DNAI2: variants seen among roughly 807,000 people sequenced by gnomAD.
The protein encoded by DNAI2 is dynein axonemal intermediate chain 2.
DNAI2 carries 63 observed loss-of-function variants against 74.7 expected under a neutral mutation model. The ratio of observed to expected loss-of-function variants is 0.84; its 90% CI spans 0.69 to 1.04. The LOEUF (loss-of-function observed/expected upper bound fraction) is 1.04, where lower values mean the gene tolerates loss of function less well. DNAI2 is among the 50% of genes least tolerant of loss of function. The pLI, the probability that DNAI2 is intolerant of heterozygous loss-of-function variation, is 0.00. For synonymous variants in DNAI2, 289 were observed against 314.9 expected (o/e 0.92, Z 0.87); for missense variants, 688 against 803.2 (o/e 0.86, Z 1.73).
chr17:74,275,199 C>T (rs1242892054), intron 1 of DNAI2, among the ~76,000 whole-genome samples: 2 of 152,158 alleles, frequency 1.3e-5, no homozygotes, highest in Admixed American at 6.5e-5. Flanking sequence ...GTCAAGGAGA[C>T]CACAAGGTAG....
chr17:74,275,508 T>C (rs771422068), intron 1 of DNAI2, among the ~76,000 whole-genome samples: 2 of 152,184 alleles, frequency 1.3e-5, no homozygotes, highest in Non-Finnish European at 2.9e-5. Context: ...ATGGATCACT[T>C]GAGGTCAGGA....
At chr17:74,308,762 T>C (rs925952778) in intron 9 of DNAI2, among the ~76,000 whole-genome samples, 3 of 152,040 alleles carry the variant, frequency 2.0e-5, no homozygotes, top group African/African-American at 7.2e-5. Flanking sequence ...CTTCAAGCGA[T>C]CTTCCTGCCT....
intron 7 of DNAI2, 58 bp downstream of exon 7, chr17:74,299,915 T>C: frequency 1.2e-6 from 2 of 1,608,256 alleles, no homozygotes. Flanking sequence ...AACTGTTCCC[T>C]GGTTCCCCAT....
chr17:74,302,954 G>C (rs1179513876), intron 8 of DNAI2, among the ~76,000 whole-genome samples: 3 of 152,198 alleles, frequency 2.0e-5, no homozygotes, highest in Non-Finnish European at 4.4e-5. Context: ...TTGGGGTGGC[G>C]AGGGCTCAGG....
chr17:74,301,244 A>T (rs535323698), intron 8 of DNAI2, 76 bp downstream of exon 8: 9 of 1,600,254 alleles, frequency 5.6e-6, no homozygotes, highest in South Asian at 1.1e-5. Flanking sequence ...CATTGCTAGG[A>T]TATCAGGTGC....
chr17:74,278,123 T>A (rs2051198444), intron 1 of DNAI2, among the ~76,000 whole-genome samples: 1 of 152,200 alleles, frequency 6.6e-6, no homozygotes, highest in Non-Finnish European at 1.5e-5. Context: ...TATTAATACT[T>A]CATCTCTCCA....
At chr17:74,287,693 G>A (rs747312852) in intron 4 of DNAI2, among the ~76,000 whole-genome samples, 3 of 152,198 alleles carry the variant, frequency 2.0e-5, no homozygotes, top group African/African-American at 4.8e-5. Context: ...GGTGGCTCAC[G>A]CCTGTAATCC....
At chr17:74,279,226 C>A (rs2051260482) in intron 1 of DNAI2, among the ~76,000 whole-genome samples, 1 of 151,532 alleles carries the variant, frequency 6.6e-6, no homozygotes, top group Non-Finnish European at 1.5e-5. Flanking sequence ...GGATGGATAC[C>A]CCATTCTCCA....
intron 9 of DNAI2, among the ~76,000 whole-genome samples, chr17:74,306,518 CCTG>C (rs1314241725): frequency 2.0e-4 from 30 of 152,330 alleles, no homozygotes; most frequent in African/African-American, 6.5e-4. Flanking sequence ...ACCACAGACT[CCTG>C]CAACGTCAAA....
At chr17:74,305,479 A>G (rs928034173) in intron 9 of DNAI2, 37 bp downstream of exon 9, 2 of 1,598,654 alleles carry the variant, frequency 1.3e-6, no homozygotes, top group Admixed American at 1.7e-5. Flanking sequence ...GGGATGCAGG[A>G]GACAGGAGGG....
chr17:74,297,338 T>C (rs1225230080), intron 6 of DNAI2, among the ~76,000 whole-genome samples: 1 of 151,742 alleles, frequency 6.6e-6, no homozygotes, highest in Non-Finnish European at 1.5e-5. Flanking sequence ...GTGATCTGCC[T>C]GCCTCGGCCT....
intron 1 of DNAI2, among the ~76,000 whole-genome samples, chr17:74,277,517 GGA>G (rs2051164805): frequency 6.6e-6 from 1 of 152,220 alleles, no homozygotes; most frequent in East Asian, 1.9e-4. Context: ...CAATGTATAT[GGA>G]TGCAAAGGGT....
intron 9 of DNAI2, among the ~76,000 whole-genome samples, chr17:74,305,702 T>C (rs1329622693): frequency 5.7e-5 from 8 of 140,326 alleles, no homozygotes; most frequent in Admixed American, 1.5e-4. Context: ...TGAGACAGTC[T>C]CGCTTAGTTC....
Position 74,289,145 on chromosome 17 carries a change from G to A in DNAI2, c.468-449G>A, listed in dbSNP as rs183196535. Reference sequence around the variant, plus strand: ...AGGGGTGTGCAGGAGAGGGCATGGCGGGGCAGAGGCTGCCCTTCCTGTTGC... The same window carrying A: ...AGGGGTGTGCAGGAGAGGGCATGGCAGGGCAGAGGCTGCCCTTCCTGTTGC... On this transcript the variant is annotated intron_variant, in intron 4 of 13. Transcript: ENST00000311014. Among the ~76,000 whole-genome samples, 6 of 152,342 alleles carry A rather than the reference G, an allele frequency of 3.9e-5. No individual in the cohort carries two copies. The East Asian group carries it at 1.2e-3, about 29-fold the overall frequency.
rs2053707132 is a variant in DNAI2, at chr17:74,314,374, C to T, written c.*55+103C>T. 7 of 1,412,112 alleles carry T rather than the reference C, an allele frequency of 5.0e-6. No individual in the cohort carries two copies. The South Asian group carries it at 7.0e-5, about 14-fold the overall frequency. 87.5% of individuals were successfully genotyped at this position (1,412,112 alleles called of 1,614,324 possible). On this transcript the variant is annotated intron_variant, in intron 13 of 13. Transcript: ENST00000311014. ...CCCTGACTCCCCAGCCCCTACAAAT[C>T]ACTAGCCCCCACTGACTCACTGGGC...
chr17:74,301,777 C>T (rs1434757642), intron 8 of DNAI2, among the ~76,000 whole-genome samples: 1 of 145,628 alleles, frequency 6.9e-6, no homozygotes, highest in East Asian at 2.0e-4. Flanking sequence ...AATGAGACCC[C>T]CCCCACCGCC....
At chr17:74,299,932 C>T in intron 7 of DNAI2, 75 bp downstream of exon 7, 1 of 1,589,754 alleles carries the variant, frequency 6.3e-7, no homozygotes. Context: ...CCATCAGAAC[C>T]CCTGGGGACA....
At position 74,280,799 on chromosome 17, in the gene DNAI2, G is replaced by A. The variant is rs747996068; in HGVS notation, c.-11-1008G>A. ...AATAAACACTGATTCAGTAAAAACC[G>A]TATTGTACCACGTGCGATGGCTCAT... On this transcript the variant is annotated intron_variant, in intron 1 of 13. Coordinates refer to ENST00000311014, the MANE Select transcript of DNAI2 (RefSeq NM_023036.6). Among the ~76,000 whole-genome samples the A allele has an allele frequency of 2.6e-5, 4 of 152,014 alleles. No individual in the cohort carries two copies. The East Asian group carries it at 5.8e-4, about 22-fold the overall frequency.
intron 6 of DNAI2, among the ~76,000 whole-genome samples, chr17:74,292,179 A>G (rs978220806): frequency 1.3e-5 from 2 of 152,072 alleles, no homozygotes; most frequent in African/African-American, 2.4e-5. Flanking sequence ...TTAATTCTTG[A>G]AATGTTTGGT....
Sources: gnomAD v4.1 joint callset for allele counts (sites outside exome capture counted in the v4.1 genomes callset) on GRCh38, gnomAD v4.1.1 for gene constraint, MANE v1.5 for transcripts, NCBI Gene and HGNC (gene_info 2026-07-23, HGNC 2026-07-21) for gene names.